Variants in PRCC observed in about 807,000 individuals in gnomAD.
The protein encoded by PRCC is proline-rich protein PRCC.
In PRCC, 10 loss-of-function variants were observed where a neutral mutation model predicts 44.0. The ratio of observed to expected loss-of-function variants is 0.23; its 90% CI spans 0.14 to 0.39. The LOEUF is 0.39. Ranked by LOEUF, PRCC falls within the 10% of genes least tolerant of loss-of-function variation. The pLI is 1.00. For missense variants in PRCC, 573 were observed against 624.7 expected (o/e 0.92, Z 0.88); for synonymous variants, 278 against 259.5 (o/e 1.07, Z -0.69).
chr1:156,795,059 C>T (rs572155539), intron 5 of PRCC, among the ~76,000 whole-genome samples: 3 of 152,236 alleles, frequency 2.0e-5, no homozygotes, highest in Admixed American at 6.5e-5. Flanking sequence ...GTTGGTGAGG[C>T]CTCCCAGCCT....
chr1:156,780,530 C>T (rs912510539), intron 1 of PRCC, among the ~76,000 whole-genome samples: 2 of 151,534 alleles, frequency 1.3e-5, no homozygotes, highest in Non-Finnish European at 2.9e-5. Flanking sequence ...TCACGGCTTG[C>T]TGCAGCCTTG....
intron 1 of PRCC, among the ~76,000 whole-genome samples, chr1:156,770,667 G>A (rs967376608): frequency 6.6e-5 from 10 of 152,308 alleles, no homozygotes; most frequent in African/African-American, 1.9e-4. Context: ...GAGCCACCAC[G>A]CCAGCCAACC....
In PRCC at chr1:156,800,393, A is replaced by T; in HGVS notation, c.1409A>T (p.Glu470Val). ...LIHQAKEREL[E>V]LKNTWSENKL... is the part of the protein sequence containing the mutation. ...CCACAGGCCAAGGAGCGGGAGCTGGAACTGAAGAACACCTGGTCAGAGAAC... is the reference window on the plus strand; with the variant it reads ...CCACAGGCCAAGGAGCGGGAGCTGGTACTGAAGAACACCTGGTCAGAGAAC... Residue 470 changes from glutamate to valine, a missense_variant, in exon 7 of 7, where the codon GAA (glutamate) becomes GTA (valine). By Grantham distance (121) the Glu-to-Val change is moderately radical. Transcript: ENST00000271526. The T allele has an allele frequency of 3.1e-6, 5 of 1,614,162 alleles. No homozygotes were observed. The highest frequency in any genetic ancestry group is 4.2e-6 in the Non-Finnish European group (5 of 1,180,012).
chr1:156,791,950 C>T (rs184801870), intron 4 of PRCC, among the ~76,000 whole-genome samples, 158 bp downstream of exon 4: 7 of 150,062 alleles, frequency 4.7e-5, no homozygotes, highest in Non-Finnish European at 1.0e-4. Context: ...ATAATAGTGG[C>T]TTATATAAAG....
chr1:156,774,329 T>C (rs1336287791), intron 1 of PRCC, among the ~76,000 whole-genome samples: 1 of 151,224 alleles, frequency 6.6e-6, no homozygotes, highest in Non-Finnish European at 1.5e-5. Flanking sequence ...CGCCCGCCAC[T>C]ACACCCAGCT....
chr1:156,778,131 A>G (rs1256799514), intron 1 of PRCC, among the ~76,000 whole-genome samples: 1 of 152,166 alleles, frequency 6.6e-6, no homozygotes, highest in African/African-American at 2.4e-5. Flanking sequence ...ATGCTGTGCA[A>G]TAGATCTCAA....
intron 5 of PRCC, chr1:156,796,586 T>G (rs1652667517): frequency 6.6e-6 from 1 of 152,230 alleles, no homozygotes; most frequent in East Asian, 1.9e-4. Flanking sequence ...AGTAAATCAT[T>G]TGCATCGAAG....
intron 3 of PRCC, among the ~76,000 whole-genome samples, chr1:156,788,602 T>C (rs1337006305): frequency 6.6e-6 from 1 of 152,204 alleles, no homozygotes; most frequent in African/African-American, 2.4e-5. Flanking sequence ...CTGAACTAAT[T>C]TACATTCCCA....
chr1:156,780,003 A>G (rs1651996284), intron 1 of PRCC, among the ~76,000 whole-genome samples: 1 of 151,532 alleles, frequency 6.6e-6, no homozygotes, highest in South Asian at 2.1e-4. Flanking sequence ...CAATTCTTGT[A>G]CCTCAGCCTC....
In PRCC at chr1:156,787,650, C is replaced by CTTTTTTTTTTTTTTTTT. The variant is rs56916626; in HGVS notation, c.1083+492_1083+493insTTTTTTTTTTTTTTTTT. Among the ~76,000 whole-genome samples the CTTTTTTTTTTTTTTTTT allele has an allele frequency of 6.3e-4, 34 of 54,172 alleles. 5 individuals are homozygous for CTTTTTTTTTTTTTTTTT. The highest frequency in any genetic ancestry group is 2.1e-3 in the African/African-American group (23 of 11,032). 35.5% of individuals were successfully genotyped at this position (54,172 alleles called of 152,430 possible). ...AGTACCTGATAGGTAGGTTTTTGGC[C>CTTTTTTTTTTTTTTTTT]TTTTTTTTTTTTTTTTGGAGAAGGA... On this transcript the variant is annotated intron_variant, in intron 3 of 6. Coordinates refer to ENST00000271526, the MANE Select transcript of PRCC (RefSeq NM_005973.5).
chr1:156,787,250 C>A (rs1652287403), intron 3 of PRCC, 76 bp downstream of exon 3: 6 of 1,464,546 alleles, frequency 4.1e-6, no homozygotes, highest in Non-Finnish European at 5.6e-6. Flanking sequence ...GCTAGTGATA[C>A]AGCCTCTGTG....
chr1:156,789,489 T>C (rs2768742), intron 3 of PRCC, among the ~76,000 whole-genome samples: 148,485 of 152,272 alleles, frequency 0.98, 72,501 homozygotes, highest in Non-Finnish European at 1. Flanking sequence ...ATGGCATAGA[T>C]GTCTAGATAG....
chr1:156,780,165 C>A (rs1216323293), intron 1 of PRCC, among the ~76,000 whole-genome samples: 1 of 152,160 alleles, frequency 6.6e-6, no homozygotes, highest in East Asian at 1.9e-4. Context: ...TCAAGCGATT[C>A]TCCTGCCTCA....
At chr1:156,791,426 C>T in intron 3 of PRCC, 1 of 502,192 alleles carries the variant, frequency 2.0e-6, no homozygotes, top group Non-Finnish European at 3.6e-6. Context: ...TAGATTGAAG[C>T]AGGAGAGACT....
At chr1:156,789,038 C>T (rs772319408) in intron 3 of PRCC, among the ~76,000 whole-genome samples, 2 of 152,028 alleles carry the variant, frequency 1.3e-5, no homozygotes, top group South Asian at 2.1e-4. Context: ...GGTGCAATCC[C>T]GGCTCACTGC....
At position 156,768,221 on chromosome 1, in the gene PRCC, G is replaced by T. The variant is rs371188711; in HGVS notation, c.450G>T (p.Pro150=). 1 of 1,540,538 alleles carries T rather than the reference G, an allele frequency of 6.5e-7. No individual in the cohort carries two copies. Among genetic ancestry groups the T allele is most frequent in the Admixed American group, 2.0e-5 (1 of 50,854 alleles). Residue 150 remains proline (P), a synonymous_variant, in exon 1 of 7, where the codon CCG becomes CCT. Transcript: ENST00000271526. ...AAGAGCCCGTGAAGATCGCGGCGCC[G>T]GAGTTGCATAAGGGAGATGTGAGTA... The part of the protein sequence containing the change: ...KRKEPVKIAA[P]ELHKGDSDSE...
At chr1:156,800,246 G>A in intron 6 of PRCC, 128 bp from the exon 7 acceptor site, 1 of 774,754 alleles carries the variant, frequency 1.3e-6, no homozygotes, top group Admixed American at 2.5e-5. Flanking sequence ...TCTTTCAAGG[G>A]GTTTGCAGTT....
chr1:156,784,319 A>C (rs1055383077), intron 2 of PRCC, among the ~76,000 whole-genome samples: 1 of 152,214 alleles, frequency 6.6e-6, no homozygotes, highest in Non-Finnish European at 1.5e-5. Flanking sequence ...GAGCAAAGGC[A>C]GTCCTGTTAC....
chr1:156,788,358 T>G (rs970364568), intron 3 of PRCC, among the ~76,000 whole-genome samples: 2 of 152,234 alleles, frequency 1.3e-5, no homozygotes, highest in Non-Finnish European at 2.9e-5. Context: ...CTGTGTAGTA[T>G]TCCATGGTAT....
Sources: allele counts gnomAD v4.1 joint callset (sites outside exome capture counted in the v4.1 genomes callset), GRCh38; gene constraint gnomAD v4.1.1; transcripts MANE v1.5; gene names NCBI Gene and HGNC (gene_info 2026-07-23, HGNC 2026-07-21).